Variants in LRP1B observed in about 807,000 individuals in gnomAD.
LRP1B encodes LDL receptor related protein 1B.
LRP1B carries 217 observed loss-of-function variants against 556.6 expected under a neutral mutation model. The observed-to-expected ratio is 0.39, with a 90% CI of 0.35 to 0.44. The LOEUF (loss-of-function observed/expected upper bound fraction) is 0.44. LRP1B is among the 20% of genes least tolerant of loss of function. The probability of loss-of-function intolerance (pLI) is 1.00; values close to 1 mark genes in which losing one functional copy is unlikely to be tolerated. For synonymous variants in LRP1B, 2,047 were observed against 1,865.8 expected, an observed-to-expected ratio of 1.10 and a Z score of -2.50; for missense variants, 5,053 against 5,620.8, an observed-to-expected ratio of 0.90 and a Z score of 3.23.
chr2:141,484,611 C>T lies in LRP1B; in HGVS notation c.206-4078G>A, dbSNP rs536051429. ...TACCCATGAGCATGGAATGTTCTTC[C>T]ATTTGTTTGTATCCTCTTTTATTTC... is the stretch of plus-strand genomic sequence containing the variant. On this transcript the variant is annotated intron_variant, in intron 2 of 90. Transcript: ENST00000389484. Among the ~76,000 whole-genome samples the T allele has an allele frequency of 1.4e-4, 22 of 152,192 alleles. No individual in the cohort carries two copies. The East Asian group carries it at 3.7e-3, about 25-fold the overall frequency.
intron 82 of LRP1B, among the ~76,000 whole-genome samples, chr2:140,317,742 T>A (rs1684588431): frequency 2.6e-5 from 4 of 152,204 alleles, no homozygotes; most frequent in East Asian, 1.9e-4. Context: ...ATAGGATTAT[T>A]ATGGGGTACT....
intron 3 of LRP1B, among the ~76,000 whole-genome samples, chr2:141,416,503 G>C (rs1691110589): frequency 7.0e-6 from 1 of 143,544 alleles, no homozygotes; most frequent in African/African-American, 2.6e-5. Flanking sequence ...GCCCAGACTG[G>C]AGTGCAGTGA....
chr2:141,437,513 C>A (rs1006267725), intron 3 of LRP1B, among the ~76,000 whole-genome samples: 1 of 151,904 alleles, frequency 6.6e-6, no homozygotes, highest in Non-Finnish European at 1.5e-5. Flanking sequence ...TGGTCACCAG[C>A]CTGTATTTAT....
At chr2:141,878,416 A>G (rs1338586570) in intron 1 of LRP1B, among the ~76,000 whole-genome samples, 1 of 151,900 alleles carries the variant, frequency 6.6e-6, no homozygotes, top group African/African-American at 2.4e-5. Flanking sequence ...CAAACTCAAG[A>G]GCAATTGATG....
intron 5 of LRP1B, among the ~76,000 whole-genome samples, chr2:141,230,219 T>G (rs1683407909): frequency 6.6e-6 from 1 of 152,140 alleles, no homozygotes; most frequent in African/African-American, 2.4e-5. Flanking sequence ...TCAGAGTAAC[T>G]TTTCTGCTAA....
At chr2:140,864,049 A>G (rs1692876994) in intron 27 of LRP1B, among the ~76,000 whole-genome samples, 1 of 151,800 alleles carries the variant, frequency 6.6e-6, no homozygotes, top group Admixed American at 6.6e-5. Flanking sequence ...AGATAACAGA[A>G]CGATTATCCC....
intron 1 of LRP1B, among the ~76,000 whole-genome samples, chr2:141,961,378 T>A (rs113291884): frequency 6.6e-6 from 1 of 151,688 alleles, no homozygotes; most frequent in Admixed American, 6.6e-5. Context: ...AAAAGGTTCA[T>A]GATTGGTTTA....
chr2:140,758,592 G>A (rs1688815316), intron 35 of LRP1B, among the ~76,000 whole-genome samples: 1 of 151,956 alleles, frequency 6.6e-6, no homozygotes, highest in Non-Finnish European at 1.5e-5. Context: ...GCTAATAGAT[G>A]TCTATTTTTT....
At chr2:141,233,420 C>T (rs180921016) in intron 5 of LRP1B, among the ~76,000 whole-genome samples, 89 of 152,196 alleles carry the variant, frequency 5.8e-4, no homozygotes, top group African/African-American at 2.0e-3. Context: ...AGTATTTGTG[C>T]TCTGTATGAT....
At chr2:140,702,074 C>A (rs1194933708) in intron 39 of LRP1B, 67 bp downstream of exon 39, 1 of 1,550,426 alleles carries the variant, frequency 6.4e-7, no homozygotes, top group Non-Finnish European at 8.8e-7. Flanking sequence ...GTAAATCCTA[C>A]AAGGGTAAAG....
At chr2:141,718,712 C>A (rs1428812930) in intron 2 of LRP1B, among the ~76,000 whole-genome samples, 2 of 152,086 alleles carry the variant, frequency 1.3e-5, no homozygotes, top group Non-Finnish European at 2.9e-5. Flanking sequence ...TCCCGTTAAG[C>A]ATTTAAAACG....
At chr2:141,399,339 T>G (rs1690361946) in intron 3 of LRP1B, among the ~76,000 whole-genome samples, 1 of 152,140 alleles carries the variant, frequency 6.6e-6, no homozygotes, top group African/African-American at 2.4e-5. Flanking sequence ...ACCTTACATG[T>G]ATGTTAACTA....
At chr2:141,042,610 C>T (rs1175156458) in intron 11 of LRP1B, among the ~76,000 whole-genome samples, 1 of 152,036 alleles carries the variant, frequency 6.6e-6, no homozygotes, top group African/African-American at 2.4e-5. Flanking sequence ...TGAGAAAAGA[C>T]TTCACCTGTC....
intron 3 of LRP1B, among the ~76,000 whole-genome samples, chr2:141,465,789 G>A (rs1284105370): frequency 6.6e-6 from 1 of 152,112 alleles, no homozygotes; most frequent in Non-Finnish European, 1.5e-5. Context: ...CAAGCCATCT[G>A]CTCGCCTCAG....
chr2:140,339,360 C>T (rs922133879), intron 77 of LRP1B, among the ~76,000 whole-genome samples: 2 of 151,706 alleles, frequency 1.3e-5, no homozygotes, highest in African/African-American at 2.4e-5. Flanking sequence ...GAAAATACTG[C>T]TGTCTGTTTT....
intron 1 of LRP1B, among the ~76,000 whole-genome samples, chr2:141,908,136 C>T (rs1699808438): frequency 6.6e-6 from 1 of 152,010 alleles, no homozygotes; most frequent in African/African-American, 2.4e-5. Context: ...ATAACTATTG[C>T]TATCATTTAT....
At chr2:140,296,139 GT>G (rs1683593279) in intron 84 of LRP1B, among the ~76,000 whole-genome samples, 1 of 152,170 alleles carries the variant, frequency 6.6e-6, no homozygotes, top group South Asian at 2.1e-4. Flanking sequence ...ATATCCAACA[GT>G]TTTGAGTGCC....
At chr2:140,676,913 T>G (rs1342709387) in intron 41 of LRP1B, among the ~76,000 whole-genome samples, 1 of 152,220 alleles carries the variant, frequency 6.6e-6, no homozygotes, top group Non-Finnish European at 1.5e-5. Context: ...GCAAACAACA[T>G]TCTAACTCTC....
chr2:140,975,606 T>C (rs1214181256), intron 18 of LRP1B, among the ~76,000 whole-genome samples: 2 of 152,128 alleles, frequency 1.3e-5, no homozygotes, highest in Non-Finnish European at 2.9e-5. Context: ...GAACAAGTTA[T>C]AGAAACTAAA....
Sources: gnomAD v4.1 joint callset for allele counts (sites outside exome capture counted in the v4.1 genomes callset) on GRCh38, gnomAD v4.1.1 for gene constraint, MANE v1.5 for transcripts, NCBI Gene and HGNC (gene_info 2026-07-23, HGNC 2026-07-21) for gene names.